SYTL3: variants seen among roughly 807,000 people sequenced by gnomAD.
SYTL3 encodes synaptotagmin like 3.
In SYTL3, 88 loss-of-function variants were observed where a neutral mutation model predicts 82.1. The ratio of observed to expected loss-of-function variants is 1.07; its 90% CI spans 0.90 to 1.28. SYTL3 has a LOEUF of 1.28. Ranked by LOEUF, SYTL3 falls within the 50% of genes most tolerant of loss-of-function variation. SYTL3 has a pLI of 0.00. For synonymous variants in SYTL3, 311 were observed against 289.4 expected (o/e 1.07, Z -0.76); for missense variants, 831 against 757.6 (o/e 1.10, Z -1.14).
At chr6:158,728,597 T>C (rs927577301) in intron 11 of SYTL3, among the ~76,000 whole-genome samples, 8 of 152,238 alleles carry the variant, frequency 5.3e-5, no homozygotes, top group Non-Finnish European at 2.9e-5. Context: ...AAATGTATTC[T>C]CTGTGTATAG....
At position 158,694,945 on chromosome 6, in the gene SYTL3, A is replaced by G. The variant is rs563901979; in HGVS notation, c.394+11956A>G. 9.3e-4 allele frequency among the ~76,000 whole-genome samples: 141 copies of G among 152,286 alleles called. 3 individuals are homozygous for G. The South Asian group carries it at 0.026, about 28-fold the overall frequency. On this transcript the variant is annotated intron_variant, in intron 6 of 17. Coordinates refer to ENST00000611299, the MANE Select transcript of SYTL3 (RefSeq NM_001242394.2). ...TGGGTTTTGATTCACTGTTTTTGGA[A>G]TGGAGGAAGAACCATGATTAGGTGG...
intron 10 of SYTL3, among the ~76,000 whole-genome samples, chr6:158,720,163 A>T (rs1783913654): frequency 1.3e-5 from 2 of 152,098 alleles, no homozygotes; most frequent in Admixed American, 6.5e-5. Context: ...GCACTCTGGG[A>T]GGCTGAAGTG....
chr6:158,763,593 G>T, intron 17 of SYTL3, 84 bp downstream of exon 17: 1 of 1,239,780 alleles, frequency 8.1e-7, no homozygotes, highest in Non-Finnish European at 1.2e-6. Context: ...TTCCACCAGG[G>T]CAGTGACTTA....
At chr6:158,725,850 TC>T in intron 11 of SYTL3, 1 of 716,806 alleles carries the variant, frequency 1.4e-6, no homozygotes, top group Non-Finnish European at 2.5e-6. Context: ...TTGGAGTTAC[TC>T]CAGGTGTGTC....
chr6:158,650,927 G>A (rs1444624650), intron 1 of SYTL3, among the ~76,000 whole-genome samples: 1 of 152,094 alleles, frequency 6.6e-6, no homozygotes, highest in Non-Finnish European at 1.5e-5. Context: ...ATCCAGCCTG[G>A]GCAACAGAGT....
intron 8 of SYTL3, among the ~76,000 whole-genome samples, chr6:158,709,994 C>T (rs1015424618): frequency 9.9e-5 from 15 of 152,058 alleles, no homozygotes; most frequent in African/African-American, 3.6e-4. Flanking sequence ...ATGATTGCGC[C>T]AATGCGTTCC....
At chr6:158,758,977 C>CT (rs1789534644) in intron 14 of SYTL3, among the ~76,000 whole-genome samples, 1 of 152,198 alleles carries the variant, frequency 6.6e-6, no homozygotes, top group Non-Finnish European at 1.5e-5. Flanking sequence ...CTCTCACCCC[C>CT]GCTCTGTCAT....
intron 16 of SYTL3, among the ~76,000 whole-genome samples, chr6:158,762,652 C>T (rs929337082): frequency 3.9e-5 from 6 of 152,158 alleles, no homozygotes; most frequent in Admixed American, 6.5e-5. Flanking sequence ...CGCAGTGGCT[C>T]GTGCCTGTAA....
intron 15 of SYTL3, among the ~76,000 whole-genome samples, 165 bp from the exon 16 acceptor site, chr6:158,761,911 T>C (rs770301644): frequency 6.6e-6 from 1 of 152,132 alleles, no homozygotes; most frequent in Non-Finnish European, 1.5e-5. Flanking sequence ...CGCCACAGCC[T>C]GTGGGCAGGG....
At chr6:158,745,788 T>G (rs1444692763) in intron 12 of SYTL3, 130 bp downstream of exon 12, 2 of 771,130 alleles carry the variant, frequency 2.6e-6, no homozygotes, top group African/African-American at 3.5e-5. Flanking sequence ...ACTTCAAGTA[T>G]TATTATAAAG....
intron 11 of SYTL3, among the ~76,000 whole-genome samples, chr6:158,745,138 A>G (rs966884377): frequency 1.3e-5 from 2 of 151,862 alleles, no homozygotes; most frequent in East Asian, 1.9e-4. Flanking sequence ...CTGTCCTGCC[A>G]TGGATATTAT....
At chr6:158,673,252 A>C (rs896106078) in intron 5 of SYTL3, among the ~76,000 whole-genome samples, 90 of 150,054 alleles carry the variant, frequency 6.0e-4, no homozygotes, top group African/African-American at 2.2e-3. Context: ...TATCCTTTTT[A>C]TTAAAAACAG....
chr6:158,659,945 G>A (rs145368490), intron 2 of SYTL3, among the ~76,000 whole-genome samples: 219 of 152,220 alleles, frequency 1.4e-3, no homozygotes, highest in African/African-American at 4.9e-3. Context: ...GTAGAATAGG[G>A]TATAAATGAC....
intron 6 of SYTL3, among the ~76,000 whole-genome samples, chr6:158,684,534 A>T (rs1779085987): frequency 1.3e-5 from 2 of 152,064 alleles, no homozygotes; most frequent in South Asian, 2.1e-4. Flanking sequence ...ACCACATCTG[A>T]CTATATCAGG....
At chr6:158,727,952 G>T (rs1436274650) in intron 11 of SYTL3, among the ~76,000 whole-genome samples, 1 of 152,164 alleles carries the variant, frequency 6.6e-6, no homozygotes, top group Non-Finnish European at 1.5e-5. Context: ...ATAGAACTTG[G>T]AAGTGATATT....
intron 6 of SYTL3, among the ~76,000 whole-genome samples, chr6:158,695,941 T>C (rs1418599810): frequency 3.3e-5 from 5 of 152,258 alleles, no homozygotes; most frequent in Non-Finnish European, 7.3e-5. Flanking sequence ...GATGGACATT[T>C]GGGTTGTTTC....
At position 158,763,404 on chromosome 6, in the gene SYTL3, G is replaced by C. The variant is rs2291388; in HGVS notation, c.1618G>C (p.Val540Leu). The change falls in exon 17 of 18, where the codon GTA becomes CTA. Residue 540 changes from valine to leucine, a missense_variant. Physicochemically the swap from Val to Leu is conservative, Grantham distance 32 (BLOSUM62 1). Coordinates refer to ENST00000611299, the MANE Select transcript of SYTL3 (RefSeq NM_001242394.2). ...QWKHSFVFSG[V>L]TPAQLRQSSL... is the part of the protein sequence containing the mutation. ...GAAACACTCATTTGTCTTCAGTGGC[G>C]TAACCCCAGCTCAGCTGAGGCAGTC... 3 of 1,614,082 alleles carry C rather than the reference G, an allele frequency of 1.9e-6. No individual in the cohort carries two copies. The highest frequency in any genetic ancestry group is 2.5e-6 in the Non-Finnish European group (3 of 1,180,022).
intron 4 of SYTL3, among the ~76,000 whole-genome samples, chr6:158,663,960 A>C (rs1484144117): frequency 3.9e-5 from 6 of 152,034 alleles, no homozygotes; most frequent in African/African-American, 1.4e-4. Context: ...TCTGTCTCTA[A>C]GCTGCACGGG....
intron 12 of SYTL3, among the ~76,000 whole-genome samples, chr6:158,750,425 T>G (rs959050800): frequency 6.6e-6 from 1 of 152,224 alleles, no homozygotes; most frequent in South Asian, 2.1e-4. Flanking sequence ...ATATTCTGTT[T>G]TACATATTTG....
Sources: gnomAD v4.1 joint callset for allele counts (sites outside exome capture counted in the v4.1 genomes callset) on GRCh38, gnomAD v4.1.1 for gene constraint, MANE v1.5 for transcripts, NCBI Gene and HGNC (gene_info 2026-07-23, HGNC 2026-07-21) for gene names.